Variants in CCDC6 observed in about 807,000 individuals in gnomAD.
The protein encoded by CCDC6 is coiled-coil domain-containing protein 6.
A neutral mutation model predicts 56.6 loss-of-function variants in CCDC6; 20 were observed. That is an observed-to-expected ratio of 0.35 (90% CI 0.25 to 0.51). The LOEUF is 0.51. Ranked by LOEUF, CCDC6 falls within the 20% of genes least tolerant of loss-of-function variation. The pLI is 0.95. For synonymous variants in CCDC6, 241 were observed against 234.4 expected (o/e 1.03, Z -0.26); for missense variants, 367 against 601.1 (o/e 0.61, Z 4.07).
rs1050062338 is a variant in CCDC6, at chr10:59,790,506, A to G, written c.*2411T>C. ...CTAGTAGTAAGACAATTGCCAAGAA[A>G]TTGTCCTAGCAGGTACTACCCAAGT... is the stretch of plus-strand genomic sequence containing the variant. On this transcript the variant is annotated 3_prime_UTR_variant, in exon 9 of 9. Coordinates refer to ENST00000263102, the MANE Select transcript of CCDC6 (RefSeq NM_005436.5). 2 of 219,454 alleles carry G rather than the reference A, an allele frequency of 9.1e-6. No homozygotes were observed. Among genetic ancestry groups the G allele is most frequent in the Non-Finnish European group, 1.8e-5 (2 of 109,332 alleles). 13.6% of individuals were successfully genotyped at this position (219,454 alleles called of 1,614,324 possible). A position where few individuals can be genotyped will look rare whatever the true frequency, so the allele number is the denominator to read the frequency against.
At chr10:59,824,504 A>G (rs943832902) in intron 3 of CCDC6, among the ~76,000 whole-genome samples, 2 of 152,228 alleles carry the variant, frequency 1.3e-5, no homozygotes, top group African/African-American at 4.8e-5. Context: ...AGGCAACTGA[A>G]ACATCACTGT....
intron 5 of CCDC6, among the ~76,000 whole-genome samples, chr10:59,809,270 G>A (rs1054189948): frequency 1.3e-5 from 2 of 152,160 alleles, no homozygotes; most frequent in African/African-American, 2.4e-5. Context: ...GAAATCCTTT[G>A]CAGAATTAAC....
rs747099158 is a variant in CCDC6 at position 59,814,687 on chromosome 10, G to C, written c.651C>G (p.Leu217=). The change falls in exon 4 of 9, where the codon CTC becomes CTG. Residue 217 remains leucine (L), a synonymous_variant. Transcript: ENST00000263102. ...EQEQEALVNR[L]WKRMDKLEAE... The stretch of plus-strand genomic sequence containing the variant: ...CTTCAAGCTTATCCATCCTTTTCCA[G>C]AGGCGATTAACTAGTGCTTCTTGTT... 16 of 1,613,412 alleles carry C rather than the reference G, an allele frequency of 9.9e-6. No homozygotes were observed. The Admixed American group carries it at 1.0e-4, about 10-fold the overall frequency.
intron 1 of CCDC6, among the ~76,000 whole-genome samples, chr10:59,856,626 T>C (rs17202345): frequency 0.27 from 40,618 of 151,924 alleles, 5,742 homozygotes; most frequent in Middle Eastern, 0.33. Flanking sequence ...AGGTAGACAG[T>C]GGCCTACAAG....
intron 1 of CCDC6, among the ~76,000 whole-genome samples, chr10:59,863,062 T>A (rs531579833): frequency 6.6e-6 from 1 of 152,012 alleles, no homozygotes; most frequent in African/African-American, 2.4e-5. Flanking sequence ...AAATACAATA[T>A]GAATAAAGCT....
At chr10:59,854,900 C>T (rs1180522739) in intron 1 of CCDC6, among the ~76,000 whole-genome samples, 1 of 152,250 alleles carries the variant, frequency 6.6e-6, no homozygotes, top group African/African-American at 2.4e-5. Flanking sequence ...CTGAGAGGAA[C>T]TGTAGTGCTC....
chr10:59,795,445 CATT>C (rs1040423462), intron 7 of CCDC6, among the ~76,000 whole-genome samples: 23 of 140,006 alleles, frequency 1.6e-4, no homozygotes, highest in African/African-American at 5.6e-4. Context: ...TTAAGTTGGC[CATT>C]ATTATTTTTT....
rs558519936 is a variant in CCDC6 at position 59,801,895 on chromosome 10, C to T, written c.1105+2525G>A. Among the ~76,000 whole-genome samples, 128 of 152,280 alleles carry T rather than the reference C, an allele frequency of 8.4e-4. 1 individual carries two copies. Among genetic ancestry groups the T allele is most frequent in the Non-Finnish European group, 1.2e-3 (85 of 68,024 alleles). ...GGCACTTGTTTACTCTTTTGCACTA[C>T]AAGTTATCTCACCCAGCTCATCTCG... On this transcript the variant is annotated intron_variant, in intron 7 of 8. Coordinates refer to ENST00000263102, the MANE Select transcript of CCDC6 (RefSeq NM_005436.5).
intron 2 of CCDC6, among the ~76,000 whole-genome samples, chr10:59,835,160 T>C (rs943700109): frequency 2.6e-5 from 4 of 152,264 alleles, no homozygotes; most frequent in African/African-American, 9.6e-5. Flanking sequence ...TGTTTTCAAC[T>C]GCTGCCATTT....
At chr10:59,870,180 G>A (rs1322418280) in intron 1 of CCDC6, among the ~76,000 whole-genome samples, 3 of 152,174 alleles carry the variant, frequency 2.0e-5, no homozygotes, top group Non-Finnish European at 4.4e-5. Context: ...AATTGTGCCT[G>A]GCATATGGCA....
At position 59,806,970 on chromosome 10, in the gene CCDC6, C is replaced by G. The variant is rs777197866; in HGVS notation, c.956G>C (p.Cys319Ser). ...QREMERREALCRQLSESESSL... is the reference protein window; with the variant it reads ...QREMERREALSRQLSESESSL... ...GGACTCACTCTCGGAGAGCTGTCGA[C>G]AGAGGGCTTCTCTTCTCTCCATCTC... is the stretch of plus-strand genomic sequence containing the variant. Residue 319 changes from cysteine to serine, a missense_variant, in exon 6 of 9, where the codon TGT becomes TCT. Coordinates refer to ENST00000263102, the MANE Select transcript of CCDC6 (RefSeq NM_005436.5). 94 of 1,613,966 alleles carry G rather than the reference C, an allele frequency of 5.8e-5. No individual in the cohort carries two copies. The highest frequency in any genetic ancestry group is 7.8e-5 in the Non-Finnish European group (92 of 1,179,976).
intron 3 of CCDC6, among the ~76,000 whole-genome samples, chr10:59,823,045 C>T (rs2070759979): frequency 6.6e-6 from 1 of 152,130 alleles, no homozygotes; most frequent in African/African-American, 2.4e-5. Flanking sequence ...ACCTACCTGC[C>T]CCATCCCCTT....
intron 2 of CCDC6, among the ~76,000 whole-genome samples, chr10:59,842,525 A>G (rs1006836874): frequency 6.6e-6 from 1 of 152,162 alleles, no homozygotes; most frequent in Admixed American, 6.5e-5. Context: ...CTGGTAAACT[A>G]AACTTGCATT....
At chr10:59,895,064 G>A (rs1433768688) in intron 1 of CCDC6, among the ~76,000 whole-genome samples, 3 of 152,198 alleles carry the variant, frequency 2.0e-5, no homozygotes, top group Non-Finnish European at 4.4e-5. Context: ...GACTTTGGGA[G>A]GCCAAGGTGA....
chr10:59,882,092 CCGGG>C lies in CCDC6; in HGVS notation c.303+24026_303+24029del, dbSNP rs1564755861. Among the ~76,000 whole-genome samples, 127 of 95,656 alleles carry C rather than the reference CCGGG, an allele frequency of 1.3e-3. 1 individual carries two copies. The highest frequency in any genetic ancestry group is 1.7e-3 in the Non-Finnish European group (76 of 45,904). The allele number at this position is 95,656 out of a possible 152,430, so 62.8% of individuals were successfully genotyped here. A position where few individuals can be genotyped will look rare whatever the true frequency, so the allele number is the denominator to read the frequency against. ...AGCCGCGGGGAGAAGGAAAGGAAAG[CCGGG>C]GGGAGAAGGAAAGGAAAGCCGGGGG... On this transcript the variant is annotated intron_variant, in intron 1 of 8. Transcript: ENST00000263102.
chr10:59,874,144 C>CACACACACAT (rs1554886822), intron 1 of CCDC6, among the ~76,000 whole-genome samples: 1 of 151,470 alleles, frequency 6.6e-6, no homozygotes, highest in Non-Finnish European at 1.5e-5. Context: ...CACACACACA[C>CACACACACAT]GCACACACCC....
chr10:59,826,042 T>G (rs957859734), intron 3 of CCDC6, among the ~76,000 whole-genome samples: 1 of 152,120 alleles, frequency 6.6e-6, no homozygotes, highest in Non-Finnish European at 1.5e-5. Flanking sequence ...TCAAGCCCCT[T>G]TAAGTCATCC....
intron 1 of CCDC6, among the ~76,000 whole-genome samples, chr10:59,867,072 A>G (rs1368714907): frequency 6.6e-6 from 1 of 152,194 alleles, no homozygotes; most frequent in Non-Finnish European, 1.5e-5. Context: ...CTGTGTGTTG[A>G]CAGCAAGCTT....
chr10:59,865,472 A>G (rs2071169043), intron 1 of CCDC6, among the ~76,000 whole-genome samples: 1 of 152,212 alleles, frequency 6.6e-6, no homozygotes, highest in African/African-American at 2.4e-5. Flanking sequence ...AAAAACAACA[A>G]AACAAAATAA....
Sources: gnomAD v4.1 joint callset for allele counts (sites outside exome capture counted in the v4.1 genomes callset) on GRCh38, gnomAD v4.1.1 for gene constraint, MANE v1.5 for transcripts, NCBI Gene and HGNC (gene_info 2026-07-23, HGNC 2026-07-21) for gene names.